The following EP300 variants were observed in gnomAD, a reference collection of about 807,000 sequenced individuals.
EP300 encodes the protein EP300 lysine acetyltransferase, also known as histone acetyltransferase p300.
EP300 carries 31 observed loss-of-function variants against 264.0 expected under a neutral mutation model. The ratio of observed to expected loss-of-function variants is 0.12; its 90% CI spans 0.09 to 0.16. The LOEUF (loss-of-function observed/expected upper bound fraction) is 0.16, where lower values mean the gene tolerates loss of function less well. Ranked by LOEUF, EP300 falls within the 10% of genes least tolerant of loss-of-function variation. EP300 has a pLI of 1.00. For synonymous variants in EP300, 1,340 were observed against 1,045.4 expected (o/e 1.28, Z -5.44); for missense variants, 2,766 against 3,052.9 (o/e 0.91, Z 2.21).
intron 29 of EP300, chr22:41,174,602 TATC>T (rs775872337): frequency 1.3e-5 from 2 of 152,118 alleles, no homozygotes; most frequent in Admixed American, 6.5e-5. Flanking sequence ...CTCTCTTTAA[TATC>T]ATATAATTGA....
At position 41,131,532 on chromosome 22, in the gene EP300, A is replaced by G; in HGVS notation, c.1427A>G (p.Gln476Arg). ...TATGCAGCTCTTGGACTACCCTATC[A>G]AGTAAATCAGATGCCGACACAACCC... ...RAYAALGLPYQVNQMPTQPQV... is the reference protein window; with the variant it reads ...RAYAALGLPYRVNQMPTQPQV... The change falls in exon 6 of 31, where the codon CAA (glutamine) becomes CGA (arginine). Residue 476 changes from glutamine to arginine, a missense_variant. Gln to Arg is a conservative substitution (Grantham distance 43, BLOSUM62 1). Coordinates refer to ENST00000263253, the MANE Select transcript of EP300 (RefSeq NM_001429.4). The G allele has an allele frequency of 6.2e-7, 1 of 1,614,088 alleles. No individual in the cohort carries two copies. Among genetic ancestry groups the G allele is most frequent in the Middle Eastern group, 1.6e-4 (1 of 6,062 alleles).
Position 41,146,781 on chromosome 22 carries a change from C to G in EP300, c.2096C>G (p.Pro699Arg). The G allele has an allele frequency of 2.5e-6, 4 of 1,614,134 alleles. No individual in the cohort carries two copies. Among genetic ancestry groups the G allele is most frequent in the South Asian group, 1.1e-5 (1 of 91,078 alleles). The change falls in exon 11 of 31, where the codon CCA becomes CGA. Residue 699 changes from proline (P) to arginine (R), a missense_variant. By Grantham distance (103) the Pro-to-Arg change is moderately radical. Coordinates refer to ENST00000263253, the MANE Select transcript of EP300 (RefSeq NM_001429.4). ...PDPSMIRGSV[P>R]NQMMPRITPQ... ...CCAAGTATGATCCGTGGCAGTGTGC[C>G]AAACCAGATGATGCCTCGAATAACT...
At chr22:41,119,085 C>T (rs2058837161) in intron 2 of EP300, among the ~76,000 whole-genome samples, 2 of 149,952 alleles carry the variant, frequency 1.3e-5, no homozygotes, top group African/African-American at 2.5e-5. Flanking sequence ...TTACTGCAGC[C>T]TCAACCTACC....
At position 41,131,621 on chromosome 22, in the gene EP300, A is replaced by G. The variant is rs886057556; in HGVS notation, c.1516A>G (p.Met506Val). Residue 506 changes from methionine to valine, a missense_variant, in exon 6 of 31, where the codon ATG (methionine) becomes GTG (valine). Met to Val is a conservative substitution (Grantham distance 21). Coordinates refer to ENST00000263253, the MANE Select transcript of EP300 (RefSeq NM_001429.4). ...PGQSPQGMRP[M>V]SNMSASPMGV... ...GCAGTCTCCCCAAGGCATGCGGCCC[A>G]TGAGCAACATGAGTAAGTTTGTGTC... 6.2e-7 allele frequency: 1 copy of G among 1,614,158 alleles called. No individual in the cohort carries two copies. Among genetic ancestry groups the G allele is most frequent in the East Asian group, 2.2e-5 (1 of 44,880 alleles).
chr22:41,140,394 A>C (rs2058975185), intron 9 of EP300, 137 bp downstream of exon 9: 10 of 772,652 alleles, frequency 1.3e-5, no homozygotes, highest in Non-Finnish European at 2.4e-5. Flanking sequence ...ATTGTCCCCA[A>C]GCATAGTTAG....
At chr22:41,108,144 G>A (rs1019540624) in intron 1 of EP300, 1 of 151,788 alleles carries the variant, frequency 6.6e-6, no homozygotes, top group Non-Finnish European at 1.5e-5. Context: ...TAGTTTCCAC[G>A]TGTTTAATCC....
At chr22:41,109,278 A>G (rs575646169) in intron 1 of EP300, among the ~76,000 whole-genome samples, 2 of 151,932 alleles carry the variant, frequency 1.3e-5, no homozygotes, top group Non-Finnish European at 2.9e-5. Flanking sequence ...ACAAAAAAAA[A>G]CGGAAAACAT....
At chr22:41,109,384 T>C (rs962370794) in intron 1 of EP300, among the ~76,000 whole-genome samples, 1 of 152,144 alleles carries the variant, frequency 6.6e-6, no homozygotes, top group Admixed American at 6.6e-5. Flanking sequence ...CTAAAGCTGA[T>C]TACTGCTTGA....
At chr22:41,152,758 C>A (rs1437642108) in intron 16 of EP300, among the ~76,000 whole-genome samples, 1 of 21,670 alleles carries the variant, frequency 4.6e-5, no homozygotes, top group Non-Finnish European at 7.9e-5. Context: ...CTTTCTTTTT[C>A]TTTTCTTTTT....
intron 2 of EP300, among the ~76,000 whole-genome samples, chr22:41,118,807 AAAAG>A (rs71683085): frequency 0.6 from 90,596 of 150,180 alleles, 27,788 homozygotes; most frequent in East Asian, 0.8. Context: ...GAAAAAAAAA[AAAAG>A]AACCTTGATG....
At chr22:41,107,969 C>T (rs1269389482) in intron 1 of EP300, 2 of 152,274 alleles carry the variant, frequency 1.3e-5, no homozygotes, top group South Asian at 2.1e-4. Context: ...TCCCAAAGTG[C>T]TGGGATTACA....
intron 20 of EP300, among the ~76,000 whole-genome samples, chr22:41,161,106 C>G (rs1296472465): frequency 6.6e-6 from 1 of 152,182 alleles, no homozygotes; most frequent in African/African-American, 2.4e-5. Context: ...TACAAGAAAA[C>G]ATCATTATTA....
intron 1 of EP300, among the ~76,000 whole-genome samples, chr22:41,102,882 A>G (rs2058739425): frequency 1.3e-5 from 2 of 152,068 alleles, no homozygotes; most frequent in South Asian, 2.1e-4. Context: ...TTTTGAGACA[A>G]TCTCTGACCC....
At chr22:41,125,241 C>T (rs2058874742) in intron 2 of EP300, among the ~76,000 whole-genome samples, 1 of 151,268 alleles carries the variant, frequency 6.6e-6, no homozygotes, top group Non-Finnish European at 1.5e-5. Flanking sequence ...GCCTCAGCCT[C>T]CCGACTAGCT....
chr22:41,100,443 A>T (rs2058725325), intron 1 of EP300, among the ~76,000 whole-genome samples: 2 of 152,276 alleles, frequency 1.3e-5, no homozygotes, highest in Admixed American at 1.3e-4. Context: ...GTTTTCTAGG[A>T]GTATAAGAAT....
At chr22:41,157,632 C>G (rs965507299) in intron 18 of EP300, among the ~76,000 whole-genome samples, 1 of 151,700 alleles carries the variant, frequency 6.6e-6, no homozygotes, top group Non-Finnish European at 1.5e-5. Flanking sequence ...ATTCTCCCAC[C>G]TCAGCCTCCT....
intron 15 of EP300, 85 bp downstream of exon 15, chr22:41,152,097 T>C: frequency 6.3e-7 from 1 of 1,592,322 alleles, no homozygotes; most frequent in Non-Finnish European, 8.6e-7. Flanking sequence ...GAAAAATATT[T>C]TGATAATTAG....
chr22:41,149,020 G>GTTTTTTTTTTTT lies in EP300; in HGVS notation c.2242-15_2242-4dup. On this transcript the variant is annotated splice_polypyrimidine_tract_variant and intron_variant, in intron 12 of 30. Coordinates refer to ENST00000263253, the MANE Select transcript of EP300 (RefSeq NM_001429.4). ...ATAATGAAGCAGTTTGGTGATTTGTGTTTTTTTTTTTTTTCAGCCTATGGG... is the reference window on the plus strand; with the variant it reads ...ATAATGAAGCAGTTTGGTGATTTGTGTTTTTTTTTTTTTTTTTTTTTTTTTTCAGCCTATGGG... 6.9e-7 allele frequency: 1 copy of GTTTTTTTTTTTT among 1,458,654 alleles called. No individual in the cohort carries two copies. Among genetic ancestry groups the GTTTTTTTTTTTT allele is most frequent in the Non-Finnish European group, 9.4e-7 (1 of 1,066,946 alleles). 90.4% of individuals were successfully genotyped at this position (1,458,654 alleles called of 1,614,324 possible).
In EP300 at chr22:41,178,373, C is replaced by T. The variant is rs28937578; in HGVS notation, c.6662C>T (p.Pro2221Leu). The change falls in exon 31 of 31, where the codon CCA (proline) becomes CTA (leucine). Residue 2221 changes from proline to leucine, a missense_variant. Transcript: ENST00000263253. Reference protein sequence around the residue: ...FQQPQGVGYPPQQQQRMQHHM... With the variant: ...FQQPQGVGYPLQQQQRMQHHM... Reference sequence around the variant, plus strand: ...CAACCCCAAGGAGTTGGCTACCCACCACAGCAGCAGCAGCGGATGCAGCAT... The same window carrying T: ...CAACCCCAAGGAGTTGGCTACCCACTACAGCAGCAGCAGCGGATGCAGCAT... 57 of 1,614,144 alleles carry T rather than the reference C, an allele frequency of 3.5e-5. No homozygotes were observed. The highest frequency in any genetic ancestry group is 4.7e-5 in the Non-Finnish European group (55 of 1,180,030).
Sources: gnomAD v4.1 joint callset for allele counts (sites outside exome capture counted in the v4.1 genomes callset) on GRCh38, gnomAD v4.1.1 for gene constraint, MANE v1.5 for transcripts, NCBI Gene and HGNC (gene_info 2026-07-23, HGNC 2026-07-21) for gene names.